The following CSMD1 variants were observed in gnomAD, a reference collection of about 807,000 sequenced individuals.
The protein encoded by CSMD1 is CUB and sushi domain-containing protein 1.
Under a neutral mutation model 417.5 loss-of-function variants are expected in CSMD1, and 213 were observed. That is an observed-to-expected ratio of 0.51 (90% CI 0.46 to 0.57). The LOEUF (loss-of-function observed/expected upper bound fraction) is 0.57. Ranked by LOEUF, CSMD1 falls within the 20% of genes least tolerant of loss-of-function variation. CSMD1 has a pLI of 0.00. For missense variants in CSMD1, 6,923 were observed against 4,529.7 expected (o/e 1.53, Z -15.17); for synonymous variants, 2,862 against 1,736.8 (o/e 1.65, Z -16.11).
At position 3,308,351 on chromosome 8, in the gene CSMD1, C is replaced by G. The variant is rs1201943137; in HGVS notation, c.3784G>C (p.Asp1262His). The G allele has an allele frequency of 1.2e-6, 2 of 1,613,368 alleles. No homozygotes were observed. Among genetic ancestry groups the G allele is most frequent in the East Asian group, 2.2e-5 (1 of 44,840 alleles). Residue 1262 changes from aspartate (D) to histidine (H), a missense_variant, in exon 24 of 70, where the codon GAC becomes CAC. Asp to His is a moderately conservative substitution (Grantham distance 81, BLOSUM62 -1). Transcript: ENST00000635120. ...GSNTLTCLSG[D>H]RRVWDKPLPS... ...AGTGGTTTGTCCCACACTCTCCTGT[C>G]TCCACTCAAACAGGTCAGGGTGTTG... is the stretch of plus-strand genomic sequence containing the variant.
chr8:4,123,552 C>T (rs1380602574), intron 3 of CSMD1, among the ~76,000 whole-genome samples: 1 of 152,140 alleles, frequency 6.6e-6, no homozygotes, highest in East Asian at 1.9e-4. Context: ...GAACTTGTAA[C>T]ACATTTAAAG....
chr8:4,511,740 C>G (rs549760051), intron 2 of CSMD1, among the ~76,000 whole-genome samples: 1 of 152,138 alleles, frequency 6.6e-6, no homozygotes, highest in Admixed American at 6.6e-5. Flanking sequence ...CAAGAGAACT[C>G]AGTCATTAGG....
intron 3 of CSMD1, among the ~76,000 whole-genome samples, chr8:4,134,136 G>A (rs552290217): frequency 6.6e-6 from 1 of 152,160 alleles, no homozygotes; most frequent in Admixed American, 6.5e-5. Context: ...TTTCTTTTAT[G>A]ATTTAATGAC....
intron 1 of CSMD1, among the ~76,000 whole-genome samples, chr8:4,754,072 C>A (rs565758918): frequency 1.5e-4 from 23 of 152,072 alleles, no homozygotes; most frequent in African/African-American, 5.3e-4. Context: ...ATGCGTTGCT[C>A]ACCATATTTA....
At chr8:4,370,279 C>T (rs562298514) in intron 3 of CSMD1, among the ~76,000 whole-genome samples, 5 of 151,750 alleles carry the variant, frequency 3.3e-5, no homozygotes, top group African/African-American at 9.7e-5. Flanking sequence ...CCAGTCTTTC[C>T]CAGTTTGTAA....
intron 3 of CSMD1, among the ~76,000 whole-genome samples, chr8:4,202,562 T>C (rs1799721994): frequency 6.6e-6 from 1 of 152,328 alleles, no homozygotes; most frequent in Middle Eastern, 3.4e-3. Context: ...CCTCGACAAA[T>C]TACTCCTGTA....
In CSMD1 at chr8:3,096,972, C is replaced by G. The variant is rs769889967; in HGVS notation, c.7015G>C (p.Gly2339Arg). ...SGVILSPGYP[G>R]NYFNSQTCSW... ...CAAGTCTGGGAGTTAAAATAATTAC[C>G]CGGATACCCTGGACTGAGAATGACT... Residue 2339 changes from glycine (G) to arginine (R), a missense_variant, in exon 47 of 70, where the codon GGT becomes CGT. Gly to Arg is a moderately radical substitution (Grantham distance 125). Coordinates refer to ENST00000635120, the MANE Select transcript of CSMD1 (RefSeq NM_033225.6). 1 of 1,555,382 alleles carries G rather than the reference C, an allele frequency of 6.4e-7. No individual in the cohort carries two copies. Among genetic ancestry groups the G allele is most frequent in the Non-Finnish European group, 8.7e-7 (1 of 1,148,630 alleles).
intron 4 of CSMD1, among the ~76,000 whole-genome samples, chr8:4,018,817 G>A (rs982691093): frequency 6.6e-6 from 1 of 152,170 alleles, no homozygotes; most frequent in African/African-American, 2.4e-5. Context: ...CCCACATACA[G>A]CGTGGGACCT....
intron 49 of CSMD1, among the ~76,000 whole-genome samples, chr8:3,081,626 T>C (rs1474034620): frequency 6.6e-6 from 1 of 152,214 alleles, no homozygotes; most frequent in Non-Finnish European, 1.5e-5. Context: ...TATTGCAGGA[T>C]TTATAACCAC....
chr8:3,957,466 C>G lies in CSMD1; in HGVS notation c.818+40437G>C, dbSNP rs959820808. On this transcript the variant is annotated intron_variant, in intron 5 of 69. Coordinates refer to ENST00000635120, the MANE Select transcript of CSMD1 (RefSeq NM_033225.6). ...GCCAAAGCAGGAGAAGCCCCTGAGCCTAGGAGTATTGGACCATGTGGGCAA... is the reference window on the plus strand; with the variant it reads ...GCCAAAGCAGGAGAAGCCCCTGAGCGTAGGAGTATTGGACCATGTGGGCAA... Among the ~76,000 whole-genome samples, 4 of 152,006 alleles carry G rather than the reference C, an allele frequency of 2.6e-5. 1 individual carries two copies. In the South Asian group the frequency reaches 6.2e-4, roughly 24 times the overall value.
Position 3,409,439 on chromosome 8 carries a change from G to C in CSMD1, c.1728C>G (p.Asn576Lys), listed in dbSNP as rs777783041. Residue 576 changes from asparagine to lysine, a missense_variant, in exon 13 of 70, where the codon AAC (asparagine) becomes AAG (lysine). By Grantham distance (94) the Asn-to-Lys change is moderately conservative. Coordinates refer to ENST00000635120, the MANE Select transcript of CSMD1 (RefSeq NM_033225.6). ...TCQQNNQWSGNKPSCVFSCFF... is the reference protein window; with the variant it reads ...TCQQNNQWSGKKPSCVFSCFF... Reference sequence around the variant, plus strand: ...AATACTCACATACACAGCTGGGCTTGTTGCCAGACCACTGATTGTTCTGCT... The same window carrying C: ...AATACTCACATACACAGCTGGGCTTCTTGCCAGACCACTGATTGTTCTGCT... The C allele has an allele frequency of 2.5e-6, 4 of 1,610,516 alleles. No individual in the cohort carries two copies. The highest frequency in any genetic ancestry group is 1.3e-5 in the African/African-American group (1 of 74,962).
intron 5 of CSMD1, among the ~76,000 whole-genome samples, chr8:3,991,953 G>A (rs1311768109): frequency 2.0e-5 from 3 of 151,466 alleles, no homozygotes; most frequent in African/African-American, 7.3e-5. Context: ...ACAAACACTC[G>A]GTGATTATTA....
chr8:4,162,484 T>C (rs981808772), intron 3 of CSMD1, among the ~76,000 whole-genome samples: 2 of 152,314 alleles, frequency 1.3e-5, no homozygotes, highest in Middle Eastern at 3.4e-3. Flanking sequence ...GCCAGTTTGA[T>C]GAACAGTTTT....
At chr8:4,403,690 T>C (rs936433391) in intron 3 of CSMD1, among the ~76,000 whole-genome samples, 2 of 152,134 alleles carry the variant, frequency 1.3e-5, no homozygotes, top group African/African-American at 4.8e-5. Context: ...GTAACCAAAA[T>C]ACTCTTTTGA....
intron 3 of CSMD1, among the ~76,000 whole-genome samples, chr8:4,337,627 A>T (rs1300525780): frequency 6.6e-6 from 1 of 152,202 alleles, no homozygotes; most frequent in Non-Finnish European, 1.5e-5. Context: ...GACAAGTGTC[A>T]TGCTGAACTA....
At chr8:4,315,237 T>C (rs1210014452) in intron 3 of CSMD1, among the ~76,000 whole-genome samples, 1 of 152,156 alleles carries the variant, frequency 6.6e-6, no homozygotes, top group African/African-American at 2.4e-5. Flanking sequence ...AGCCCAGCTC[T>C]GGCTTGAAGA....
chr8:4,895,178 G>A (rs891721705), intron 1 of CSMD1, among the ~76,000 whole-genome samples: 12 of 152,144 alleles, frequency 7.9e-5, no homozygotes, highest in African/African-American at 2.9e-4. Context: ...ACTATTTGTA[G>A]AAGGTTCAAT....
At chr8:3,295,062 C>G (rs1803863263) in intron 25 of CSMD1, among the ~76,000 whole-genome samples, 1 of 152,150 alleles carries the variant, frequency 6.6e-6, no homozygotes, top group African/African-American at 2.4e-5. Flanking sequence ...AGAGTAGTTA[C>G]ATATTAAATA....
intron 5 of CSMD1, among the ~76,000 whole-genome samples, chr8:3,885,899 T>C (rs1806532003): frequency 6.6e-6 from 1 of 152,144 alleles, no homozygotes; most frequent in Admixed American, 6.5e-5. Context: ...AGGAGTAAAG[T>C]TTGTTGTTAA....
Sources: gnomAD v4.1 joint callset for allele counts (sites outside exome capture counted in the v4.1 genomes callset) on GRCh38, gnomAD v4.1.1 for gene constraint, MANE v1.5 for transcripts, NCBI Gene and HGNC (gene_info 2026-07-23, HGNC 2026-07-21) for gene names.